ZNF492: variants seen among roughly 807,000 people sequenced by gnomAD.
The protein encoded by ZNF492 is zinc finger protein 492, also known as zinc finger protein 115 (Y20).
In ZNF492, 3 loss-of-function variants were observed where a neutral mutation model predicts 6.4. The ratio of observed to expected loss-of-function variants is 0.47; its 90% CI spans 0.21 to 1.22. The LOEUF is 1.22. Ranked by LOEUF, ZNF492 falls within the 50% of genes most tolerant of loss-of-function variation. The pLI is 0.22. For missense variants in ZNF492, 356 were observed against 612.5 expected, an observed-to-expected ratio of 0.58 and a Z score of 4.42; for synonymous variants, 112 against 205.3, an observed-to-expected ratio of 0.55 and a Z score of 3.89.
At chr19:22,662,691 T>C (rs1476491307) in intron 3 of ZNF492, among the ~76,000 whole-genome samples, 73 of 152,002 alleles carry the variant, frequency 4.8e-4, no homozygotes, top group Middle Eastern at 3.4e-3. Context: ...CCAGTGATGA[T>C]GAGCATTTTT....
In ZNF492 at chr19:22,664,195, A is replaced by G; in HGVS notation, c.526A>G (p.Lys176Glu). The G allele has an allele frequency of 6.2e-7, 1 of 1,612,700 alleles. No individual in the cohort carries two copies. The highest frequency in any genetic ancestry group is 8.5e-7 in the Non-Finnish European group (1 of 1,179,274). ...EKPYKCKECG[K>E]AYNETSNLST... The stretch of plus-strand genomic sequence containing the variant: ...ACCCTACAAATGTAAAGAATGTGGG[A>G]AAGCCTATAATGAGACCTCAAACCT... Residue 176 changes from lysine to glutamate, a missense_variant, in exon 4 of 4, where the codon AAA becomes GAA. Lys to Glu is a moderately conservative substitution (Grantham distance 56). Coordinates refer to ENST00000456783, the MANE Select transcript of ZNF492 (RefSeq NM_020855.3).
intron 1 of ZNF492, among the ~76,000 whole-genome samples, chr19:22,646,658 A>G (rs1971880203): frequency 6.6e-6 from 1 of 152,216 alleles, no homozygotes; most frequent in Non-Finnish European, 1.5e-5. Context: ...TGGGTTTGTC[A>G]TAAACAGCTC....
At chr19:22,645,301 C>A (rs1858229338) in intron 1 of ZNF492, among the ~76,000 whole-genome samples, 1 of 152,190 alleles carries the variant, frequency 6.6e-6, no homozygotes, top group Admixed American at 6.5e-5. Flanking sequence ...CCCACCTTGG[C>A]CTCCCAAAGT....
chr19:22,642,550 C>T (rs371007697), intron 1 of ZNF492, among the ~76,000 whole-genome samples: 4 of 149,664 alleles, frequency 2.7e-5, no homozygotes, highest in Non-Finnish European at 4.4e-5. Flanking sequence ...CCACCACGCC[C>T]GGCTAATTTT....
chr19:22,662,608 T>C (rs1266348371), intron 3 of ZNF492, among the ~76,000 whole-genome samples: 1 of 151,824 alleles, frequency 6.6e-6, no homozygotes, highest in Non-Finnish European at 1.5e-5. Flanking sequence ...GTCTCCTGAC[T>C]TTTTAATGAT....
chr19:22,636,595 C>A (rs1016771053), intron 1 of ZNF492, among the ~76,000 whole-genome samples: 1 of 150,140 alleles, frequency 6.7e-6, no homozygotes, highest in African/African-American at 2.4e-5. Context: ...CACAGTATTC[C>A]GTGATATTTA....
intron 1 of ZNF492, among the ~76,000 whole-genome samples, chr19:22,651,364 A>G (rs950043820): frequency 3.3e-5 from 5 of 151,930 alleles, no homozygotes; most frequent in African/African-American, 2.4e-5. Flanking sequence ...CCCTGCCCCT[A>G]AAAAATGGCT....
Position 22,663,999 on chromosome 19 carries a change from C to G in ZNF492, c.330C>G (p.Asn110Lys), listed in dbSNP as rs374908672. ...GLNQCLTTTQ[N>K]KIFQCDKYVK... is the part of the protein sequence containing the mutation. ...ACCAGTGTTTGACGACTACCCAGAA[C>G]AAAATATTTCAATGTGACAAATATG... Residue 110 changes from asparagine to lysine, a missense_variant, in exon 4 of 4, where the codon AAC (asparagine) becomes AAG (lysine). This residue lies in a region of ZNF492 where 196 missense variants were observed against 219.4 expected (regional missense o/e 0.89). Coordinates refer to ENST00000456783, the MANE Select transcript of ZNF492 (RefSeq NM_020855.3). 9 of 1,610,718 alleles carry G rather than the reference C, an allele frequency of 5.6e-6. No homozygotes were observed. The highest frequency in any genetic ancestry group is 2.2e-5 in the East Asian group (1 of 44,790).
intron 1 of ZNF492, among the ~76,000 whole-genome samples, chr19:22,648,262 T>C (rs1172389111): frequency 2.0e-5 from 3 of 152,222 alleles, no homozygotes; most frequent in African/African-American, 7.2e-5. Flanking sequence ...TGCTTTTGAG[T>C]AAGTTTCCTA....
At chr19:22,663,702 T>A in intron 3 of ZNF492, 98 bp from the exon 4 acceptor site, 1 of 1,151,934 alleles carries the variant, frequency 8.7e-7, no homozygotes, top group Non-Finnish European at 1.2e-6. Context: ...TGCTGTAACA[T>A]CTTGTGATGT....
chr19:22,653,323 G>A lies in ZNF492; in HGVS notation c.-77G>A. ...GTTTTTCAGGGAGTGTTGACATTTA[G>A]GGATGTGGCCATAGAATTCTCTCTG... On this transcript the variant is annotated 5_prime_UTR_variant, in exon 2 of 4. Coordinates refer to ENST00000456783, the MANE Select transcript of ZNF492 (RefSeq NM_020855.3). 1.2e-6 allele frequency: 2 copies of A among 1,613,326 alleles called. No homozygotes were observed. The highest frequency in any genetic ancestry group is 1.6e-4 in the Middle Eastern group (1 of 6,062).
chr19:22,649,301 G>A (rs1360733827), intron 1 of ZNF492, among the ~76,000 whole-genome samples: 2 of 152,200 alleles, frequency 1.3e-5, no homozygotes, highest in East Asian at 3.8e-4. Flanking sequence ...GAGGTCCACT[G>A]TTAGTCTGAT....
chr19:22,647,328 C>T lies in ZNF492; in HGVS notation c.-93-5979C>T, dbSNP rs1230638112. On this transcript the variant is annotated intron_variant, in intron 1 of 3. Coordinates refer to ENST00000456783, the MANE Select transcript of ZNF492 (RefSeq NM_020855.3). ...CTGGAGTGTAATTGTGCAGTCCTGG[C>T]TCACTGCAACCTCCGCCTCCTGGGT... Among the ~76,000 whole-genome samples the T allele has an allele frequency of 3.3e-5, 5 of 150,054 alleles. No individual in the cohort carries two copies. In the East Asian group the frequency reaches 7.8e-4, roughly 24 times the overall value.
At chr19:22,641,956 G>C (rs1383763942) in intron 1 of ZNF492, among the ~76,000 whole-genome samples, 2 of 152,058 alleles carry the variant, frequency 1.3e-5, no homozygotes, top group Non-Finnish European at 2.9e-5. Flanking sequence ...ACCATGCCCG[G>C]CTAATTTTTT....
At chr19:22,642,036 G>A (rs1469431706) in intron 1 of ZNF492, among the ~76,000 whole-genome samples, 12 of 151,910 alleles carry the variant, frequency 7.9e-5, no homozygotes, top group African/African-American at 2.4e-4. Flanking sequence ...CTCGTCATCC[G>A]CCCGCCTCAG....
rs1971948881 is a variant in ZNF492, at chr19:22,652,328, C to T, written c.-93-979C>T. On this transcript the variant is annotated intron_variant, in intron 1 of 3. Coordinates refer to ENST00000456783, the MANE Select transcript of ZNF492 (RefSeq NM_020855.3). ...CTGCAAGCTCCGCTTCCCGGGTTCA[C>T]GCCATTCTCCTGCCTCAGACTCCCG... 1.5e-5 allele frequency among the ~76,000 whole-genome samples: 2 copies of T among 131,376 alleles called. 1 individual carries two copies. Among genetic ancestry groups the T allele is most frequent in the South Asian group, 4.6e-4 (2 of 4,328 alleles). The allele number at this position is 131,376 out of a possible 152,430, so 86.2% of individuals were successfully genotyped here.
chr19:22,645,867 T>G (rs1435103693), intron 1 of ZNF492, among the ~76,000 whole-genome samples: 2 of 152,194 alleles, frequency 1.3e-5, no homozygotes. Flanking sequence ...TCTTTTCTGT[T>G]CCATTGGTCT....
chr19:22,652,827 C>T (rs1438684305), intron 1 of ZNF492, among the ~76,000 whole-genome samples: 2 of 152,180 alleles, frequency 1.3e-5, no homozygotes, highest in Admixed American at 6.5e-5. Flanking sequence ...GATCCACCCG[C>T]CTTAGCCTCC....
chr19:22,660,186 A>G (rs1178320980), intron 3 of ZNF492, among the ~76,000 whole-genome samples: 2 of 149,784 alleles, frequency 1.3e-5, no homozygotes, highest in African/African-American at 5.0e-5. Context: ...TGTAGAAAAA[A>G]AAGTTGGATC....
Sources: allele counts gnomAD v4.1 joint callset (sites outside exome capture counted in the v4.1 genomes callset), GRCh38; gene constraint gnomAD v4.1.1; regional missense constraint gnomAD v4.1.1; transcripts MANE v1.5; gene names NCBI Gene and HGNC (gene_info 2026-07-23, HGNC 2026-07-21).